TBCA: variants seen among roughly 807,000 people sequenced by gnomAD.
TBCA encodes the protein tubulin-specific chaperone A.
A neutral mutation model predicts 15.8 loss-of-function variants in TBCA; 6 were observed. The ratio of observed to expected loss-of-function variants is 0.38; its 90% CI spans 0.21 to 0.75. The LOEUF (loss-of-function observed/expected upper bound fraction) is 0.75. Ranked by LOEUF, TBCA falls within the 30% of genes least tolerant of loss-of-function variation. The pLI, the probability that TBCA is intolerant of heterozygous loss-of-function variation, is 0.46. For missense variants in TBCA, 90 were observed against 131.2 expected, an observed-to-expected ratio of 0.69 and a Z score of 1.53; for synonymous variants, 32 against 42.3, an observed-to-expected ratio of 0.76 and a Z score of 0.94.
At position 77,725,473 on chromosome 5, in the gene TBCA, C is replaced by T. The variant is rs553154867; in HGVS notation, c.54-17126G>A. 5.3e-5 allele frequency among the ~76,000 whole-genome samples: 8 copies of T among 152,268 alleles called. No homozygotes were observed. The South Asian group carries it at 1.7e-3, about 32-fold the overall frequency. On this transcript the variant is annotated intron_variant, in intron 1 of 3. Transcript: ENST00000380377. ...TCAATTACCACCAAATGAAGTAAAT[C>T]TATTGAATAAATTCTAGCCTGATTG...
At chr5:77,702,459 G>T (rs190267919) in intron 2 of TBCA, among the ~76,000 whole-genome samples, 55 of 152,320 alleles carry the variant, frequency 3.6e-4, no homozygotes, top group African/African-American at 1.2e-3. Context: ...TCTACGTTAT[G>T]TGACATTCTT....
At chr5:77,742,046 A>C (rs1747048867) in intron 1 of TBCA, among the ~76,000 whole-genome samples, 1 of 152,200 alleles carries the variant, frequency 6.6e-6, no homozygotes, top group African/African-American at 2.4e-5. Flanking sequence ...TAATGGGTAG[A>C]ATCAGTGAAA....
At chr5:77,716,963 T>TG in intron 1 of TBCA, among the ~76,000 whole-genome samples, 1 of 152,346 alleles carries the variant, frequency 6.6e-6, no homozygotes, top group South Asian at 2.1e-4. Flanking sequence ...AAGAGACATC[T>TG]GCTGGGGGTT....
intron 2 of TBCA, among the ~76,000 whole-genome samples, chr5:77,703,404 G>A (rs1746070315): frequency 6.6e-6 from 1 of 152,136 alleles, no homozygotes; most frequent in African/African-American, 2.4e-5. Context: ...CTAATTGGTG[G>A]AGAAGAAGAG....
chr5:77,750,295 T>A (rs1202315383), intron 1 of TBCA, among the ~76,000 whole-genome samples: 2 of 152,030 alleles, frequency 1.3e-5, no homozygotes, highest in African/African-American at 4.8e-5. Context: ...TAAAGGGACA[T>A]AAGGAGTAAG....
At chr5:77,752,969 A>G (rs1307661030) in intron 1 of TBCA, among the ~76,000 whole-genome samples, 1 of 152,192 alleles carries the variant, frequency 6.6e-6, no homozygotes, top group African/African-American at 2.4e-5. Context: ...CGGGGATTAC[A>G]GGTATGAGCC....
At chr5:77,771,844 A>AGG (rs1315934265) in intron 1 of TBCA, among the ~76,000 whole-genome samples, 1 of 152,202 alleles carries the variant, frequency 6.6e-6, no homozygotes, top group Non-Finnish European at 1.5e-5. Context: ...TTTCTAGTAT[A>AGG]GCCTACCCAA....
At chr5:77,757,008 T>C (rs1747491705) in intron 1 of TBCA, among the ~76,000 whole-genome samples, 2 of 152,234 alleles carry the variant, frequency 1.3e-5, no homozygotes, top group Admixed American at 1.3e-4. Context: ...GAACAATTTT[T>C]TTTTAAGACA....
At chr5:77,724,076 CTTCT>C (rs1447383675) in intron 1 of TBCA, among the ~76,000 whole-genome samples, 1 of 151,962 alleles carries the variant, frequency 6.6e-6, no homozygotes, top group African/African-American at 2.4e-5. Context: ...AAATCTAGGG[CTTCT>C]TTGTGTACAC....
intron 1 of TBCA, among the ~76,000 whole-genome samples, chr5:77,761,162 CATG>C (rs1174584782): frequency 6.6e-6 from 1 of 151,838 alleles, no homozygotes; most frequent in African/African-American, 2.4e-5. Context: ...GAGAACGGGC[CATG>C]ATGATGATGG....
chr5:77,756,058 C>T (rs1437484844), intron 1 of TBCA, among the ~76,000 whole-genome samples: 1 of 152,084 alleles, frequency 6.6e-6, no homozygotes, highest in Non-Finnish European at 1.5e-5. Flanking sequence ...CAAGGGGGGT[C>T]GTTCTCCTTG....
intron 1 of TBCA, among the ~76,000 whole-genome samples, chr5:77,767,344 A>T (rs778812384): frequency 3.3e-5 from 5 of 152,164 alleles, no homozygotes; most frequent in Non-Finnish European, 7.3e-5. Context: ...AAGTGAAAGG[A>T]TCTCAACAAC....
intron 1 of TBCA, among the ~76,000 whole-genome samples, chr5:77,771,317 A>G (rs751684335): frequency 6.6e-6 from 1 of 152,164 alleles, no homozygotes; most frequent in African/African-American, 2.4e-5. Flanking sequence ...TTGCTGGAAG[A>G]TATTTAAGGA....
At chr5:77,714,331 C>A (rs1021652830) in intron 1 of TBCA, among the ~76,000 whole-genome samples, 4 of 151,328 alleles carry the variant, frequency 2.6e-5, no homozygotes, top group African/African-American at 7.3e-5. Context: ...AAAAAACAAA[C>A]AAAAAAAGAA....
chr5:77,758,962 A>T (rs1191592446), intron 1 of TBCA, among the ~76,000 whole-genome samples: 2 of 152,170 alleles, frequency 1.3e-5, no homozygotes, highest in African/African-American at 4.8e-5. Context: ...ACCATCAGGA[A>T]ACTGCTTCTC....
chr5:77,769,230 T>C (rs1293397269), intron 1 of TBCA, among the ~76,000 whole-genome samples: 1 of 152,168 alleles, frequency 6.6e-6, no homozygotes, highest in African/African-American at 2.4e-5. Flanking sequence ...ATTACACAAA[T>C]TCCTAAAGGA....
chr5:77,764,715 T>C (rs1312214491), intron 1 of TBCA, among the ~76,000 whole-genome samples: 1 of 152,218 alleles, frequency 6.6e-6, no homozygotes, highest in Non-Finnish European at 1.5e-5. Flanking sequence ...TGTGAAACAC[T>C]TTATTCACCA....
At chr5:77,694,586 T>C (rs1327645567) in intron 2 of TBCA, among the ~76,000 whole-genome samples, 1 of 152,148 alleles carries the variant, frequency 6.6e-6, no homozygotes, top group Non-Finnish European at 1.5e-5. Flanking sequence ...TAAACTATTC[T>C]CAGAAAGAAA....
chr5:77,750,141 TATATATATAGAGAGAGAGCACAA>T (rs1747285631), intron 1 of TBCA, among the ~76,000 whole-genome samples: 5 of 101,086 alleles, frequency 4.9e-5, no homozygotes, highest in Admixed American at 2.0e-4. Context: ...GCTCTCTCTC[TATATATATAGAGAGAGAGCACAA>T]ATATATATAT....
Sources: allele counts gnomAD v4.1 joint callset (sites outside exome capture counted in the v4.1 genomes callset), GRCh38; gene constraint gnomAD v4.1.1; transcripts MANE v1.5; gene names NCBI Gene and HGNC (gene_info 2026-07-23, HGNC 2026-07-21).